NPAS4: variants seen among roughly 807,000 people sequenced by gnomAD.
NPAS4 encodes the protein neuronal PAS domain-containing protein 4.
A neutral mutation model predicts 64.0 loss-of-function variants in NPAS4; 10 were observed. The ratio of observed to expected loss-of-function variants is 0.16; its 90% CI spans 0.10 to 0.26. The LOEUF (loss-of-function observed/expected upper bound fraction) is 0.26. Ranked by LOEUF, NPAS4 falls within the 10% of genes least tolerant of loss-of-function variation. The pLI, the probability that NPAS4 is intolerant of heterozygous loss-of-function variation, is 1.00. For synonymous variants in NPAS4, 441 were observed against 411.7 expected, an observed-to-expected ratio of 1.07 and a Z score of -0.86; for missense variants, 886 against 992.6, an observed-to-expected ratio of 0.89 and a Z score of 1.44.
the NPAS4 span, among the ~76,000 whole-genome samples, chr11:66,415,577 G>A: frequency 6.6e-6 from 1 of 152,208 alleles, no homozygotes; most frequent in African/African-American, 2.4e-5. Flanking sequence ...CATAGACAAT[G>A]AGTAAATGAA....
At chr11:66,409,220 G>A in the NPAS4 span, 1 of 116,172 alleles carries the variant, frequency 8.6e-6, no homozygotes, top group South Asian at 2.8e-4. Context: ...CCCGAGCCGC[G>A]AGCCCCGCGC....
rs145320434 is a variant in NPAS4 at position 66,425,018 on chromosome 11, G to A, written c.2128G>A (p.Val710Met). The A allele has an allele frequency of 5.7e-5, 92 of 1,613,674 alleles. No homozygotes were observed. Among genetic ancestry groups the A allele is most frequent in the Non-Finnish European group, 6.7e-5 (79 of 1,179,870 alleles). The change falls in exon 7 of 8, where the codon GTG (valine) becomes ATG (methionine). Residue 710 changes from valine (V) to methionine (M), a missense_variant. By Grantham distance (21) the Val-to-Met change is conservative. This residue lies in a region of NPAS4 where 820 missense variants were observed against 855.5 expected (regional missense o/e 0.96). Coordinates refer to ENST00000311034, the MANE Select transcript of NPAS4 (RefSeq NM_178864.4). ...PDNMFLEETP[V>M]EDIFMDLSTP... ...TAACATGTTCCTGGAAGAGACGCCC[G>A]TGGAAGACATCTTCATGGATCTCTC...
At chr11:66,423,090 A>G in intron 4 of NPAS4, 33 bp from the exon 5 acceptor site, 1 of 1,543,682 alleles carries the variant, frequency 6.5e-7, no homozygotes, top group Non-Finnish European at 8.9e-7. Context: ...CAAGGAAAAC[A>G]GAAAGCTGAC....
At position 66,424,400 on chromosome 11, in the gene NPAS4, T is replaced by C. The variant is rs770789632; in HGVS notation, c.1510T>C (p.Cys504Arg). 24 of 1,613,902 alleles carry C rather than the reference T, an allele frequency of 1.5e-5. No homozygotes were observed. Among genetic ancestry groups the C allele is most frequent in the Non-Finnish European group, 1.7e-5 (20 of 1,179,970 alleles). Residue 504 changes from cysteine (C) to arginine (R), a missense_variant, in exon 7 of 8, where the codon TGC becomes CGC. Transcript: ENST00000311034. The part of the protein sequence containing the change: ...VRSYEDQLTP[C>R]TSTFPDQLLP... The stretch of plus-strand genomic sequence containing the variant: ...AAGCTATGAAGACCAGTTGACTCCC[T>C]GCACCTCCACCTTCCCAGACCAGCT...
At chr11:66,422,616 C>A in intron 3 of NPAS4, 58 bp from the exon 4 acceptor site, 1 of 1,602,476 alleles carries the variant, frequency 6.2e-7, no homozygotes, top group Non-Finnish European at 8.6e-7. Flanking sequence ...TCCCCACCAT[C>A]CACTGTCTCT....
At chr11:66,423,517 G>T (rs953449961) in intron 5 of NPAS4, 61 bp from the exon 6 acceptor site, 1 of 1,599,128 alleles carries the variant, frequency 6.3e-7, no homozygotes, top group Non-Finnish European at 8.5e-7. Context: ...GGTGACCAAG[G>T]GTGGGGAGTA....
Position 66,422,720 on chromosome 11 carries a change from C to G in NPAS4, c.477C>G (p.Arg159=), listed in dbSNP as rs146312650. ...CRFNTSKSLR[R]QSAGNKLVLI... is the part of the protein sequence containing the mutation. ...TCAACACCTCCAAGTCCCTCAGGCG[C>G]CAGAGTGCAGGCAACAAACTCGTGC... The change falls in exon 4 of 8, where the codon CGC becomes CGG. Residue 159 remains arginine, a synonymous_variant. Transcript: ENST00000311034. The G allele has an allele frequency of 4.8e-5, 77 of 1,613,972 alleles. No homozygotes were observed. Among genetic ancestry groups the G allele is most frequent in the Non-Finnish European group, 6.2e-5 (73 of 1,179,988 alleles).
chr11:66,423,801 G>C, intron 6 of NPAS4, 34 bp from the exon 7 acceptor site: 7 of 1,601,928 alleles, frequency 4.4e-6, no homozygotes, highest in Non-Finnish European at 6.0e-6. Context: ...ATGGACGTCG[G>C]ACCCTTACCA....
chr11:66,424,717 G>C lies in NPAS4; in HGVS notation c.1827G>C (p.Leu609=). 6 of 1,613,450 alleles carry C rather than the reference G, an allele frequency of 3.7e-6. No individual in the cohort carries two copies. Among genetic ancestry groups the C allele is most frequent in the Non-Finnish European group, 5.1e-6 (6 of 1,179,626 alleles). Residue 609 remains leucine, a synonymous_variant, in exon 7 of 8, where the codon CTG becomes CTC. Transcript: ENST00000311034. ...SVDVPLVPEG[L]LTPEASPVKQ... is the part of the protein sequence containing the mutation. ...ATGTCCCCCTGGTGCCCGAAGGCCT[G>C]CTCACACCTGAGGCCTCTCCAGTCA...
intron 7 of NPAS4, 53 bp from the exon 8 acceptor site, chr11:66,425,908 C>T: frequency 7.3e-7 from 1 of 1,364,388 alleles, no homozygotes; most frequent in Non-Finnish European, 1.1e-6. Context: ...CCCCAGGATC[C>T]TCTGTGCTAA....
upstream of NPAS4, among the ~76,000 whole-genome samples, chr11:66,418,892 C>T (rs551073039): frequency 5.3e-5 from 8 of 152,268 alleles, no homozygotes; most frequent in East Asian, 1.4e-3. Context: ...CAGCGGTCGG[C>T]GCAGTATTCC....
chr11:66,422,558 G>A lies in NPAS4; in HGVS notation c.430+5G>A, dbSNP rs1856761805. On this transcript the variant is annotated splice_donor_5th_base_variant and intron_variant, in intron 3 of 7. Coordinates refer to ENST00000311034, the MANE Select transcript of NPAS4 (RefSeq NM_178864.4). The stretch of plus-strand genomic sequence containing the variant: ...TGCCCTCTGCCCTGGACACTGGTAA[G>A]GACTCCCTTCTCCCTTCCTCGGTCC... 3 of 1,611,844 alleles carry A rather than the reference G, an allele frequency of 1.9e-6. No homozygotes were observed. Among genetic ancestry groups the A allele is most frequent in the Non-Finnish European group, 2.5e-6 (3 of 1,177,960 alleles).
the NPAS4 span, among the ~76,000 whole-genome samples, chr11:66,412,270 C>T: frequency 2.0e-5 from 3 of 152,244 alleles, no homozygotes; most frequent in African/African-American, 4.8e-5. Flanking sequence ...CCGGGACCTC[C>T]GTCTCTGGCT....
In NPAS4 at chr11:66,421,421, C is replaced by A. The variant is rs1856739223; in HGVS notation, c.175+67C>A. On this transcript the variant is annotated intron_variant, in intron 1 of 7. Coordinates refer to ENST00000311034, the MANE Select transcript of NPAS4 (RefSeq NM_178864.4). ...CCGGAGACCCTGGAGCTGAGGGAAC[C>A]CGCTGGGGCTGTCGCATGTCTAGGG... 1.6e-5 allele frequency: 23 copies of A among 1,465,330 alleles called. No individual in the cohort carries two copies. The South Asian group carries it at 2.6e-4, about 16-fold the overall frequency. The allele number at this position is 1,465,330 out of a possible 1,614,324, so 90.8% of individuals were successfully genotyped here. A position where few individuals can be genotyped will look rare whatever the true frequency, so the allele number is the denominator to read the frequency against.
chr11:66,414,573 C>T, the NPAS4 span, among the ~76,000 whole-genome samples: 1 of 152,172 alleles, frequency 6.6e-6, no homozygotes, highest in Admixed American at 6.5e-5. Flanking sequence ...TTTACATGAG[C>T]TTTGTTGATT....
the NPAS4 span, among the ~76,000 whole-genome samples, chr11:66,415,903 G>A: frequency 6.6e-6 from 1 of 152,194 alleles, no homozygotes; most frequent in Non-Finnish European, 1.5e-5. Flanking sequence ...TGGGAGGATT[G>A]CTTGAGGTCA....
At chr11:66,423,326 G>C (rs1384382692) in intron 5 of NPAS4, 94 bp downstream of exon 5, 1 of 943,928 alleles carries the variant, frequency 1.1e-6, no homozygotes, top group African/African-American at 1.6e-5. Flanking sequence ...AGTGATGCTG[G>C]GGAGATAACA....
upstream of NPAS4, chr11:66,420,858 A>C (rs1856730013): frequency 3.3e-6 from 1 of 303,884 alleles, no homozygotes; most frequent in African/African-American, 2.2e-5. Flanking sequence ...TCCCTCTCTC[A>C]TTCTACGTCA....
chr11:66,411,455 C>T, the NPAS4 span, among the ~76,000 whole-genome samples: 1 of 152,204 alleles, frequency 6.6e-6, no homozygotes, highest in Non-Finnish European at 1.5e-5. Flanking sequence ...AGAACTATTC[C>T]CCTGCACCAA....
Sources: gnomAD v4.1 joint callset for allele counts (sites outside exome capture counted in the v4.1 genomes callset) on GRCh38, gnomAD v4.1.1 for gene constraint, gnomAD v4.1.1 regional missense constraint, MANE v1.5 for transcripts, NCBI Gene and HGNC (gene_info 2026-07-23, HGNC 2026-07-21) for gene names.